The following ZNF407 variants were observed in gnomAD, a reference collection of about 807,000 sequenced individuals.
The protein encoded by ZNF407 is zinc finger protein 407.
Under a neutral mutation model 131.2 loss-of-function variants are expected in ZNF407, and 17 were observed. The observed-to-expected ratio is 0.13, with a 90% confidence interval of 0.09 to 0.19. The LOEUF is 0.19. Among genes scored for constraint, ZNF407 ranks in the 10% least tolerant of loss-of-function variants. ZNF407 has a pLI of 1.00. For synonymous variants in ZNF407, 1,156 were observed against 1,062.0 expected (o/e 1.09, Z -1.72); for missense variants, 2,681 against 2,830.6 (o/e 0.95, Z 1.20).
At chr18:75,041,114 C>G (rs893007357) in intron 8 of ZNF407, among the ~76,000 whole-genome samples, 1 of 152,172 alleles carries the variant, frequency 6.6e-6, no homozygotes, top group Admixed American at 6.5e-5. Flanking sequence ...GGTGTCAGTG[C>G]CCTGTGCAAT....
intron 4 of ZNF407, among the ~76,000 whole-genome samples, chr18:74,825,015 G>A (rs535347013): frequency 1.1e-4 from 16 of 152,198 alleles, no homozygotes; most frequent in East Asian, 9.6e-4. Flanking sequence ...TATCCGCTAC[G>A]ATCAAGTCGC....
chr18:74,846,475 G>T (rs1334649316), intron 4 of ZNF407, among the ~76,000 whole-genome samples: 1 of 151,486 alleles, frequency 6.6e-6, no homozygotes, highest in Non-Finnish European at 1.5e-5. Flanking sequence ...GAGTAGCTGG[G>T]ATTACAGGTG....
At chr18:74,777,102 C>T (rs1220133701) in intron 3 of ZNF407, among the ~76,000 whole-genome samples, 1 of 152,004 alleles carries the variant, frequency 6.6e-6, no homozygotes, top group Non-Finnish European at 1.5e-5. Flanking sequence ...AGATCATCTC[C>T]CATGACTCTC....
chr18:74,881,814 A>G (rs993879595), intron 6 of ZNF407, among the ~76,000 whole-genome samples: 4 of 152,182 alleles, frequency 2.6e-5, no homozygotes, highest in African/African-American at 9.7e-5. Flanking sequence ...CCTTTTTCAC[A>G]CTGCTGATAA....
chr18:75,012,883 GT>G (rs996430007), intron 8 of ZNF407, among the ~76,000 whole-genome samples: 1 of 144,326 alleles, frequency 6.9e-6, no homozygotes, highest in Admixed American at 6.9e-5. Context: ...AGAGAGGTTT[GT>G]TTTTTTGTTT....
At chr18:74,698,176 T>A (rs139369221) in intron 3 of ZNF407, among the ~76,000 whole-genome samples, 75 of 152,356 alleles carry the variant, frequency 4.9e-4, no homozygotes, top group African/African-American at 1.8e-3. Flanking sequence ...ATCCTGACAG[T>A]TACCAAGGGT....
At chr18:74,792,971 T>C (rs1376594009) in intron 4 of ZNF407, among the ~76,000 whole-genome samples, 2 of 152,202 alleles carry the variant, frequency 1.3e-5, no homozygotes, top group African/African-American at 4.8e-5. Context: ...CCTCTCTTAC[T>C]TATTTGCTAT....
chr18:75,047,787 T>G (rs1973452592), intron 8 of ZNF407, among the ~76,000 whole-genome samples: 1 of 152,260 alleles, frequency 6.6e-6, no homozygotes, highest in Non-Finnish European at 1.5e-5. Context: ...TTTTGCCCTT[T>G]GGCAATTCTG....
In ZNF407 at chr18:74,920,824, C is replaced by A. The variant is rs572953695; in HGVS notation, c.5428+132C>A. 4 of 1,315,916 alleles carry A rather than the reference C, an allele frequency of 3.0e-6. No individual in the cohort carries two copies. The Admixed American group carries it at 1.0e-4, about 34-fold the overall frequency. The allele number at this position is 1,315,916 out of a possible 1,614,324, so 81.5% of individuals were successfully genotyped here. ...TATGTGATAGTATCTGCTTCAAGAC[C>A]TATAGAAAAGTACATTCCAGTTTGA... is the stretch of plus-strand genomic sequence containing the variant. On this transcript the variant is annotated intron_variant, in intron 8 of 8. Coordinates refer to ENST00000299687, the MANE Select transcript of ZNF407 (RefSeq NM_017757.3).
intron 4 of ZNF407, among the ~76,000 whole-genome samples, chr18:74,852,199 G>A (rs8096437): frequency 0.057 from 3,834 of 67,516 alleles, 80 homozygotes; most frequent in South Asian, 0.13. Flanking sequence ...ACACACACAC[G>A]CACGCACGCA....
At chr18:75,055,347 G>A (rs183315643) in intron 8 of ZNF407, among the ~76,000 whole-genome samples, 3 of 152,220 alleles carry the variant, frequency 2.0e-5, no homozygotes, top group Admixed American at 1.3e-4. Context: ...TGTGCACCAC[G>A]ATCTCTCTGT....
intron 3 of ZNF407, among the ~76,000 whole-genome samples, chr18:74,746,979 A>C (rs1433070618): frequency 1.3e-5 from 2 of 152,192 alleles, no homozygotes; most frequent in African/African-American, 4.8e-5. Flanking sequence ...CCACAAACGA[A>C]TAATGCACTG....
intron 6 of ZNF407, 105 bp from the exon 7 acceptor site, chr18:74,889,813 A>T (rs928819106): frequency 9.5e-7 from 1 of 1,050,390 alleles, no homozygotes; most frequent in South Asian, 1.5e-5. Context: ...CATATTCTTG[A>T]CATTTCATGG....
intron 4 of ZNF407, among the ~76,000 whole-genome samples, chr18:74,835,441 G>A (rs1970541998): frequency 1.3e-5 from 2 of 152,194 alleles, no homozygotes; most frequent in South Asian, 2.1e-4. Flanking sequence ...AGTTGAGATG[G>A]ATGTGTAATG....
chr18:74,640,181 T>C (rs1396479393), intron 2 of ZNF407, among the ~76,000 whole-genome samples: 9 of 152,138 alleles, frequency 5.9e-5, no homozygotes, highest in Admixed American at 2.0e-4. Context: ...TTAATGTGGA[T>C]GATTATCTGT....
chr18:74,743,624 T>C (rs1968600394), intron 3 of ZNF407, among the ~76,000 whole-genome samples: 1 of 152,164 alleles, frequency 6.6e-6, no homozygotes, highest in African/African-American at 2.4e-5. Context: ...TGAAGTTCCC[T>C]AATTGGTATT....
At chr18:74,821,695 A>G (rs1483520579) in intron 4 of ZNF407, among the ~76,000 whole-genome samples, 2 of 152,172 alleles carry the variant, frequency 1.3e-5, no homozygotes, top group Non-Finnish European at 2.9e-5. Flanking sequence ...GTTGGTTCCA[A>G]GTCTTTGCTA....
In ZNF407 at chr18:75,012,309, T is replaced by C. The variant is rs550867812; in HGVS notation, c.5429-50841T>C. Among the ~76,000 whole-genome samples, 491 of 108,182 alleles carry C rather than the reference T, an allele frequency of 4.5e-3. 16 individuals carry two copies. Among genetic ancestry groups the C allele is most frequent in the African/African-American group, 0.015 (455 of 30,278 alleles). The allele number at this position is 108,182 out of a possible 152,430, so 71.0% of individuals were successfully genotyped here. Reference sequence around the variant, plus strand: ...TATGTACACATAGTGTATGTACACATAGTGTATGTACACATAGTGTATGTA... The same window carrying C: ...TATGTACACATAGTGTATGTACACACAGTGTATGTACACATAGTGTATGTA... On this transcript the variant is annotated intron_variant, in intron 8 of 8. Transcript: ENST00000299687.
chr18:74,751,238 C>G (rs943918982), intron 3 of ZNF407, among the ~76,000 whole-genome samples: 1 of 152,088 alleles, frequency 6.6e-6, no homozygotes, highest in Non-Finnish European at 1.5e-5. Context: ...CTTTTTACCC[C>G]TTACATTGGG....
Sources: allele counts gnomAD v4.1 joint callset (sites outside exome capture counted in the v4.1 genomes callset), GRCh38; gene constraint gnomAD v4.1.1; transcripts MANE v1.5; gene names NCBI Gene and HGNC (gene_info 2026-07-23, HGNC 2026-07-21).